Variants in SNX4 observed in about 807,000 individuals in gnomAD.
SNX4 encodes sorting nexin 4, also known as sorting nexin-4.
Under a neutral mutation model 70.8 loss-of-function variants are expected in SNX4, and 49 were observed. The observed-to-expected ratio is 0.69, with a 90% confidence interval of 0.55 to 0.88. SNX4 has a LOEUF of 0.88. Ranked by LOEUF, SNX4 falls within the 40% of genes least tolerant of loss-of-function variation. The pLI is 0.00. For synonymous variants in SNX4, 206 were observed against 183.8 expected, an observed-to-expected ratio of 1.12 and a Z score of -0.98; for missense variants, 528 against 544.8, an observed-to-expected ratio of 0.97 and a Z score of 0.31.
chr3:125,452,740 C>T (rs918234562), intron 12 of SNX4, among the ~76,000 whole-genome samples: 1 of 152,138 alleles, frequency 6.6e-6, no homozygotes, highest in African/African-American at 2.4e-5. Flanking sequence ...GCCTCAGCCT[C>T]CCGAGTAGCT....
chr3:125,511,326 A>C (rs1935171028), intron 1 of SNX4, among the ~76,000 whole-genome samples: 1 of 151,894 alleles, frequency 6.6e-6, no homozygotes, highest in Non-Finnish European at 1.5e-5. Flanking sequence ...TCAAAAGTCA[A>C]ATATTATACA....
intron 2 of SNX4, among the ~76,000 whole-genome samples, chr3:125,503,520 T>C (rs908281151): frequency 2.0e-5 from 3 of 152,208 alleles, no homozygotes; most frequent in Admixed American, 2.0e-4. Flanking sequence ...TTTAAAGGTG[T>C]CTACTTCCCT....
chr3:125,467,008 G>A (rs9863742), intron 9 of SNX4, among the ~76,000 whole-genome samples: 32,260 of 150,710 alleles, frequency 0.21, 3,477 homozygotes, highest in Admixed American at 0.25. Context: ...ACTTGACCCC[G>A]GGAGGTAGAG....
At chr3:125,504,896 G>A (rs757378440) in intron 1 of SNX4, 152 bp from the exon 2 acceptor site, 1 of 765,694 alleles carries the variant, frequency 1.3e-6, no homozygotes, top group East Asian at 2.9e-5. Context: ...TTGCAAAATG[G>A]CAGCAGCAAA....
chr3:125,486,634 A>G (rs573573874), intron 6 of SNX4, among the ~76,000 whole-genome samples: 198 of 152,304 alleles, frequency 1.3e-3, no homozygotes, highest in African/African-American at 4.6e-3. Flanking sequence ...TCAAAAAAAG[A>G]GAGTACGTTA....
intron 6 of SNX4, among the ~76,000 whole-genome samples, chr3:125,483,356 TC>T (rs1335492959): frequency 4.6e-5 from 7 of 152,030 alleles, no homozygotes; most frequent in Non-Finnish European, 1.0e-4. Flanking sequence ...ATTCTAAAGA[TC>T]AGGTCTTCTG....
At chr3:125,507,766 T>C (rs908361641) in intron 1 of SNX4, among the ~76,000 whole-genome samples, 1 of 152,114 alleles carries the variant, frequency 6.6e-6, no homozygotes, top group Non-Finnish European at 1.5e-5. Flanking sequence ...GAATCCTATA[T>C]CTAGCAAACT....
At chr3:125,467,424 G>A (rs1288745470) in intron 9 of SNX4, among the ~76,000 whole-genome samples, 1 of 150,642 alleles carries the variant, frequency 6.6e-6, no homozygotes, top group African/African-American at 2.4e-5. Context: ...AAAAATAAAG[G>A]AGTGGGGGGA....
intron 2 of SNX4, 103 bp downstream of exon 2, chr3:125,504,520 A>C: frequency 8.4e-7 from 1 of 1,191,344 alleles, no homozygotes; most frequent in South Asian, 1.5e-5. Flanking sequence ...TCCCGAAAAA[A>C]AAAATAACCT....
At chr3:125,504,971 T>G (rs114542566) in intron 1 of SNX4, among the ~76,000 whole-genome samples, 2,691 of 152,266 alleles carry the variant, frequency 0.018, 87 homozygotes, top group African/African-American at 0.062. Flanking sequence ...ATGTATGTAT[T>G]TATTTTTATT....
chr3:125,509,245 G>A (rs1271865978), intron 1 of SNX4, among the ~76,000 whole-genome samples: 2 of 150,572 alleles, frequency 1.3e-5, no homozygotes, highest in African/African-American at 2.5e-5. Context: ...CAGGACAATC[G>A]CTTGAACCTG....
At chr3:125,468,650 G>C (rs568744077) in intron 9 of SNX4, among the ~76,000 whole-genome samples, 3 of 152,164 alleles carry the variant, frequency 2.0e-5, no homozygotes, top group African/African-American at 7.2e-5. Flanking sequence ...GTCCAAGATC[G>C]ACCTGGGCAA....
At position 125,454,089 on chromosome 3, in the gene SNX4, T is replaced by G. The variant is rs1579971388; in HGVS notation, c.1045-134A>C. 8 of 678,992 alleles carry G rather than the reference T, an allele frequency of 1.2e-5. No homozygotes were observed. The East Asian group carries it at 2.2e-4, about 19-fold the overall frequency. The allele number at this position is 678,992 out of a possible 1,614,324, so 42.1% of individuals were successfully genotyped here. A position where few individuals can be genotyped will look rare whatever the true frequency, so the allele number is the denominator to read the frequency against. ...ACAACATGGATAAACCTGCAGGACA[T>G]TATGCTAAGTGAAATAAGACAGATA... On this transcript the variant is annotated intron_variant, in intron 11 of 13. Coordinates refer to ENST00000251775, the MANE Select transcript of SNX4 (RefSeq NM_003794.4).
chr3:125,494,780 G>A (rs1210306661), intron 5 of SNX4, among the ~76,000 whole-genome samples: 1 of 152,056 alleles, frequency 6.6e-6, no homozygotes, highest in African/African-American at 2.4e-5. Flanking sequence ...ACTTTTTCTT[G>A]AGGCCTCCAG....
intron 5 of SNX4, among the ~76,000 whole-genome samples, chr3:125,492,471 C>T (rs1373967500): frequency 2.0e-5 from 3 of 151,692 alleles, no homozygotes; most frequent in Non-Finnish European, 2.9e-5. Context: ...CAGGCTGGAA[C>T]ACAACATGTG....
At position 125,451,397 on chromosome 3, in the gene SNX4, C is replaced by T. The variant is rs754873266; in HGVS notation, c.1213G>A (p.Ala405Thr). The T allele has an allele frequency of 6.2e-7, 1 of 1,613,150 alleles. No homozygotes were observed. The highest frequency in any genetic ancestry group is 8.5e-7 in the Non-Finnish European group (1 of 1,179,370). The change falls in exon 13 of 14, where the codon GCT becomes ACT. Residue 405 changes from alanine to threonine, a missense_variant. Physicochemically the swap from Ala to Thr is moderately conservative, Grantham distance 58 (BLOSUM62 0). Coordinates refer to ENST00000251775, the MANE Select transcript of SNX4 (RefSeq NM_003794.4). ...TGTTCTTTGAAGCGTTCAATATCAG[C>T]CCATGCGTTTTTCACAAATTCTCTG... ...EGREFVKNAW[A>T]DIERFKEQKN...
chr3:125,471,344 CAAAAAAAAAAAAAAA>C (rs767432586), intron 8 of SNX4, among the ~76,000 whole-genome samples: 5 of 28,160 alleles, frequency 1.8e-4, no homozygotes, highest in South Asian at 3.8e-3. Flanking sequence ...AGCTCCATCT[CAAAAAAAAAAAAAAA>C]AAAAAAAAAA....
intron 11 of SNX4, among the ~76,000 whole-genome samples, chr3:125,454,573 T>C (rs1398314545): frequency 6.6e-6 from 1 of 152,206 alleles, no homozygotes; most frequent in East Asian, 1.9e-4. Context: ...ACAGGTTACA[T>C]GCAAATACTA....
chr3:125,461,979 C>G (rs1253250241), intron 9 of SNX4, among the ~76,000 whole-genome samples: 1 of 152,142 alleles, frequency 6.6e-6, no homozygotes, highest in Non-Finnish European at 1.5e-5. Flanking sequence ...TAATAGCAAC[C>G]TCTGCTTTGA....
Sources: gnomAD v4.1 joint callset for allele counts (sites outside exome capture counted in the v4.1 genomes callset) on GRCh38, gnomAD v4.1.1 for gene constraint, MANE v1.5 for transcripts, NCBI Gene and HGNC (gene_info 2026-07-23, HGNC 2026-07-21) for gene names.